UNKL: variants seen among roughly 807,000 people sequenced by gnomAD.
The protein encoded by UNKL is unk like zinc finger.
A neutral mutation model predicts 78.0 loss-of-function variants in UNKL; 60 were observed. That is an observed-to-expected ratio of 0.77 (90% CI 0.63 to 0.95). The LOEUF is 0.95. UNKL is among the 40% of genes least tolerant of loss of function. The pLI is 0.00. For synonymous variants in UNKL, 608 were observed against 474.8 expected (o/e 1.28, Z -3.65); for missense variants, 1,159 against 1,045.7 (o/e 1.11, Z -1.49).
At chr16:1,400,457 C>T (rs1449610430) in intron 4 of UNKL, among the ~76,000 whole-genome samples, 2 of 121,226 alleles carry the variant, frequency 1.6e-5, no homozygotes, top group Non-Finnish European at 3.4e-5. Flanking sequence ...AAAAAAAAAT[C>T]GCTGCCATAC....
intron 8 of UNKL, among the ~76,000 whole-genome samples, chr16:1,391,581 G>A (rs2037054687): frequency 6.6e-6 from 1 of 152,106 alleles, no homozygotes; most frequent in Non-Finnish European, 1.5e-5. Context: ...TTACAGGCGT[G>A]AGCCACTGCA....
intron 9 of UNKL, among the ~76,000 whole-genome samples, chr16:1,386,054 C>T (rs537365783): frequency 2.2e-4 from 33 of 152,244 alleles, no homozygotes; most frequent in Non-Finnish European, 4.6e-4. Context: ...AAACACCCGA[C>T]ACAAAAGACC....
In UNKL at chr16:1,365,362, C is replaced by T. The variant is rs1010451854; in HGVS notation, c.*878G>A. ...CCTCTGCTGCGTTTTTTGTTAGTAT[C>T]AAACTGTCTTTCAGAGGGTTAAGGG... On this transcript the variant is annotated 3_prime_UTR_variant, in exon 15 of 15. Transcript: ENST00000389221. 2 of 152,210 alleles carry T rather than the reference C, an allele frequency of 1.3e-5. No homozygotes were observed. The highest frequency in any genetic ancestry group is 2.9e-5 in the Non-Finnish European group (2 of 68,046). 9.4% of individuals were successfully genotyped at this position (152,210 alleles called of 1,614,324 possible). A position where few individuals can be genotyped will look rare whatever the true frequency, so the allele number is the denominator to read the frequency against.
At chr16:1,398,332 T>G in intron 5 of UNKL, 4 of 1,005,538 alleles carry the variant, frequency 4.0e-6, no homozygotes, top group Non-Finnish European at 4.8e-6. Flanking sequence ...TTATTGTAAC[T>G]GATTTGTATT....
rs948528135 is a variant in UNKL at position 1,367,793 on chromosome 16, G to C, written c.1651C>G (p.Pro551Ala). Residue 551 changes from proline (P) to alanine (A), a missense_variant, in exon 13 of 15, where the codon CCC becomes GCC. Pro to Ala is a conservative substitution (Grantham distance 27). Coordinates refer to ENST00000389221, the MANE Select transcript of UNKL (RefSeq NM_001372107.1). ...VSGSFSPSPS[P>A]ILSAGPPSSS... ...GATGGGGGGCCGGCACTCAGGATGGGGGAGGGGCTGGGGGAGAAGCTGCCG... is the reference window on the plus strand; with the variant it reads ...GATGGGGGGCCGGCACTCAGGATGGCGGAGGGGCTGGGGGAGAAGCTGCCG... 11 of 1,574,556 alleles carry C rather than the reference G, an allele frequency of 7.0e-6. No individual in the cohort carries two copies. In the African/African-American group the frequency reaches 1.3e-4, roughly 19 times the overall value.
intron 7 of UNKL, 137 bp from the exon 8 acceptor site, chr16:1,393,113 G>A (rs553300225): frequency 1.7e-4 from 157 of 899,950 alleles, no homozygotes; most frequent in Admixed American, 6.4e-4. Context: ...GGCAGAGGAC[G>A]GCTGGGCAGT....
intron 2 of UNKL, chr16:1,406,127 C>T (rs1218397065): frequency 6.7e-6 from 3 of 447,674 alleles, no homozygotes; most frequent in African/African-American, 4.0e-5. Context: ...CTTAAGGACG[C>T]AGGCATAGGT....
rs910576906 is a variant in UNKL, at chr16:1,399,324, G to A, written c.734+50C>T. On this transcript the variant is annotated intron_variant, in intron 5 of 14. Transcript: ENST00000389221. The surrounding 1 kb of genome is among the most constrained non-coding windows in gnomAD (Gnocchi z 5.8). ...GTGGGCAACGCGAGCCACGGGCCGG[G>A]AAGGACGCCCACCAGCCGGAGTCCT... 4 of 1,506,046 alleles carry A rather than the reference G, an allele frequency of 2.7e-6. No homozygotes were observed. Among genetic ancestry groups the A allele is most frequent in the Admixed American group, 2.2e-5 (1 of 45,352 alleles). 93.3% of individuals were successfully genotyped at this position (1,506,046 alleles called of 1,614,324 possible). A position where few individuals can be genotyped will look rare whatever the true frequency, so the allele number is the denominator to read the frequency against.
chr16:1,404,953 G>C (rs952570606), intron 2 of UNKL, among the ~76,000 whole-genome samples: 4 of 152,126 alleles, frequency 2.6e-5, no homozygotes, highest in African/African-American at 7.2e-5. Context: ...CAGCACTTTG[G>C]GGGGCAGAGA....
At chr16:1,398,104 G>A (rs962959827) in intron 5 of UNKL, among the ~76,000 whole-genome samples, 16 of 152,330 alleles carry the variant, frequency 1.1e-4, no homozygotes, top group African/African-American at 2.6e-4. Context: ...GAGGCCGGGC[G>A]CCCAGACAGC....
intron 9 of UNKL, 42 bp from the exon 10 acceptor site, chr16:1,385,427 T>G (rs2036774446): frequency 7.8e-7 from 1 of 1,288,636 alleles, no homozygotes; most frequent in African/African-American, 1.5e-5. Flanking sequence ...ACCCCCTGCG[T>G]GGAGGAGGCA....
intron 2 of UNKL, among the ~76,000 whole-genome samples, chr16:1,412,534 C>G (rs9922203): frequency 0.92 from 140,005 of 152,346 alleles, 64,438 homozygotes; most frequent in East Asian, 1. Flanking sequence ...CTTAAACCTG[C>G]ACAAGGCAGA....
At chr16:1,393,661 G>A (rs897571946) in intron 7 of UNKL, among the ~76,000 whole-genome samples, 3 of 152,242 alleles carry the variant, frequency 2.0e-5, no homozygotes, top group Non-Finnish European at 4.4e-5. Flanking sequence ...CCCTGCTTGA[G>A]GGTCTCTGCT....
At chr16:1,397,011 G>A (rs538426997) in intron 6 of UNKL, 167 bp downstream of exon 6, 6 of 662,708 alleles carry the variant, frequency 9.1e-6, no homozygotes, top group Admixed American at 2.9e-5. Context: ...AGCAAGACAA[G>A]CAAGCAGGTA....
chr16:1,401,522 T>TGGGGGGG, intron 4 of UNKL, 46 bp downstream of exon 4: 21 of 1,467,350 alleles, frequency 1.4e-5, no homozygotes, highest in Admixed American at 2.2e-5. Context: ...TCTCGCGCTG[T>TGGGGGGG]GCCCGCCCCC....
chr16:1,377,933 C>T (rs1460630678), intron 10 of UNKL, among the ~76,000 whole-genome samples: 1 of 152,206 alleles, frequency 6.6e-6, no homozygotes, highest in South Asian at 2.1e-4. Flanking sequence ...TAGTAACCTT[C>T]CTACCAAGAA....
At chr16:1,388,734 G>A (rs1335186391) in intron 9 of UNKL, among the ~76,000 whole-genome samples, 6 of 151,512 alleles carry the variant, frequency 4.0e-5, no homozygotes, top group South Asian at 2.1e-4. Context: ...CACTAACACC[G>A]GCACCGTTCT....
In UNKL at chr16:1,385,206, A is replaced by C; in HGVS notation, c.1264+2T>G. On this transcript the variant is annotated splice_donor_variant, in intron 10 of 14. Transcript: ENST00000389221. LOFTEE classifies it high-confidence loss of function. ...GAGAAAGGAGGACGGTGCTGGACTT[A>C]CCGAGGACGGCCTCCACAGTGCTGC... 1 of 1,279,302 alleles carries C rather than the reference A, an allele frequency of 7.8e-7. No homozygotes were observed. 79.2% of individuals were successfully genotyped at this position (1,279,302 alleles called of 1,614,324 possible).
rs146431417 is a variant in UNKL, at chr16:1,391,749, G to A, written c.1024-1055C>T. On this transcript the variant is annotated intron_variant, in intron 8 of 14. Transcript: ENST00000389221. Reference sequence around the variant, plus strand: ...GTCATCCAGGCTGGAGTGCAGTGGCGCGATCTCAGCTCACTGCAAGCTCCA... The same window carrying A: ...GTCATCCAGGCTGGAGTGCAGTGGCACGATCTCAGCTCACTGCAAGCTCCA... 3.5e-3 allele frequency among the ~76,000 whole-genome samples: 534 copies of A among 152,120 alleles called. 5 individuals are homozygous for A. The highest frequency in any genetic ancestry group is 0.012 in the African/African-American group (498 of 41,486).
Sources: gnomAD v4.1 joint callset for allele counts (sites outside exome capture counted in the v4.1 genomes callset) on GRCh38, gnomAD v4.1.1 for gene constraint, Gnocchi (gnomAD v3.1) non-coding constraint, MANE v1.5 for transcripts, NCBI Gene and HGNC (gene_info 2026-07-23, HGNC 2026-07-21) for gene names.